Variants in DNAAF6 observed in about 807,000 individuals in gnomAD.
DNAAF6 encodes the protein PIH1 domain containing 3.
DNAAF6 carries 3 observed loss-of-function variants against 13.7 expected under a neutral mutation model. The ratio of observed to expected loss-of-function variants is 0.22; its 90% CI spans 0.10 to 0.56. The LOEUF (loss-of-function observed/expected upper bound fraction) is 0.56. Among genes scored for constraint, DNAAF6 ranks in the 20% least tolerant of loss-of-function variants. The pLI, the probability that DNAAF6 is intolerant of heterozygous loss-of-function variation, is 0.92. For synonymous variants in DNAAF6, 54 were observed against 49.2 expected (o/e 1.10, Z -0.41); for missense variants, 130 against 151.0 (o/e 0.86, Z 0.73).
intron 5 of DNAAF6, among the ~76,000 whole-genome samples, chrX:107,228,560 AG>A (rs1361645985): frequency 9.1e-6 from 1 of 109,998 alleles, no homozygotes; most frequent in Admixed American, 9.7e-5. Context: ...AAAAAAAAAA[AG>A]TAGTCATGGT....
intron 6 of DNAAF6, 93 bp downstream of exon 6, chrX:107,239,100 C>A: frequency 1.1e-5 from 11 of 1,038,070 alleles, no homozygotes; most frequent in Non-Finnish European, 1.4e-5. Context: ...TTTTGTATCA[C>A]CCCTAAAGTC....
chrX:107,243,312 AG>A lies in DNAAF6; in HGVS notation c.*15del. 2.5e-6 allele frequency: 3 copies of A among 1,190,228 alleles called. No homozygotes were observed. On this transcript the variant is annotated 3_prime_UTR_variant, in exon 7 of 7. Coordinates refer to ENST00000372453, the MANE Select transcript of DNAAF6 (RefSeq NM_173494.2). ...AATTTCTTCTGAAACTGCATGAAAA[AG>A]ATAAAAAGTAGTAAAATGGCATTGG...
intron 6 of DNAAF6, among the ~76,000 whole-genome samples, chrX:107,241,171 A>T (rs909868689): frequency 8.9e-6 from 1 of 112,149 alleles, no homozygotes; most frequent in East Asian, 2.8e-4. Flanking sequence ...GGGAACCAGG[A>T]TGTCCTTTGC....
chrX:107,211,853 C>A (rs1927864526), intron 1 of DNAAF6, among the ~76,000 whole-genome samples: 1 of 111,104 alleles, frequency 9.0e-6, no homozygotes, highest in South Asian at 3.9e-4. Flanking sequence ...CATAATGATA[C>A]CATAATGATA....
At chrX:107,218,834 G>C in intron 3 of DNAAF6, 30 bp from the exon 4 acceptor site, 1 of 1,165,432 alleles carries the variant, frequency 8.6e-7, no homozygotes, top group Non-Finnish European at 1.1e-6. Context: ...AAAAGCATGA[G>C]CTTCAGCTTT....
At chrX:107,221,870 A>G (rs759205854) in intron 4 of DNAAF6, among the ~76,000 whole-genome samples, 11 of 107,581 alleles carry the variant, frequency 1.0e-4, no homozygotes, top group Non-Finnish European at 9.6e-5. Context: ...TAGTCTTACT[A>G]TCCAGAGATC....
rs1046130455 is a variant in DNAAF6, at chrX:107,236,603, AT to A, written c.430-2315del. Among the ~76,000 whole-genome samples the A allele has an allele frequency of 5.4e-5, 6 of 111,793 alleles. No homozygotes were observed. The Admixed American group carries it at 5.7e-4, about 11-fold the overall frequency. On this transcript the variant is annotated intron_variant, in intron 5 of 6. Coordinates refer to ENST00000372453, the MANE Select transcript of DNAAF6 (RefSeq NM_173494.2). The stretch of plus-strand genomic sequence containing the variant: ...TTCTCTGAAACCACTGTAGTATATA[AT>A]TTTAATTTCCTTAAGAAGAAAAATT...
At chrX:107,206,920 G>C (rs1224029493) in intron 1 of DNAAF6, among the ~76,000 whole-genome samples, 1 of 111,680 alleles carries the variant, frequency 9.0e-6, no homozygotes, top group East Asian at 2.8e-4. Context: ...ACAAAACTCG[G>C]TTTTACAGGA....
At chrX:107,216,084 CTAT>C (rs1395772585) in intron 2 of DNAAF6, among the ~76,000 whole-genome samples, 3 of 111,387 alleles carry the variant, frequency 2.7e-5, no homozygotes, top group African/African-American at 9.8e-5. Context: ...GTATTAGAGA[CTAT>C]TAATTTGTGG....
chrX:107,220,793 G>C (rs1928105730), intron 4 of DNAAF6, among the ~76,000 whole-genome samples: 2 of 111,600 alleles, frequency 1.8e-5, no homozygotes, highest in South Asian at 7.6e-4. Context: ...CAAAGATGAT[G>C]CTGAAGTTAT....
intron 5 of DNAAF6, among the ~76,000 whole-genome samples, chrX:107,235,976 AAAAAT>A (rs1243627184): frequency 4.5e-5 from 5 of 109,939 alleles, no homozygotes; most frequent in African/African-American, 1.7e-4. Flanking sequence ...AAATAAAAAT[AAAAAT>A]AAATTAGCCA....
chrX:107,212,883 C>G lies in DNAAF6; in HGVS notation c.8C>G (p.Ser3Cys). The G allele has an allele frequency of 8.5e-7, 1 of 1,183,032 alleles. No homozygotes were observed. Among genetic ancestry groups the G allele is most frequent in the Non-Finnish European group, 1.1e-6 (1 of 882,793 alleles). Residue 3 changes from serine (S) to cysteine (C), a missense_variant, in exon 2 of 7, where the codon TCT becomes TGT. By Grantham distance (112) the Ser-to-Cys change is moderately radical. Coordinates refer to ENST00000372453, the MANE Select transcript of DNAAF6 (RefSeq NM_173494.2). MESENMDSENMKT... is the reference protein window; with the variant it reads MECENMDSENMKT... ...TATCTTTTTCTTCAGATAATGGAAT[C>G]TGAAAATATGGATTCTGAAAATATG...
intron 4 of DNAAF6, 106 bp from the exon 5 acceptor site, chrX:107,222,639 C>T: frequency 1.0e-6 from 1 of 992,473 alleles, no homozygotes; most frequent in African/African-American, 1.9e-5. Flanking sequence ...TTGTTTAGTC[C>T]TTTTATTTTA....
chrX:107,233,352 G>C (rs1168095124), intron 5 of DNAAF6, among the ~76,000 whole-genome samples: 1 of 111,084 alleles, frequency 9.0e-6, no homozygotes, highest in Non-Finnish European at 1.9e-5. Flanking sequence ...TGGGGGATAA[G>C]ACCACCTAAA....
At chrX:107,218,157 A>AATGT (rs1928035386) in intron 3 of DNAAF6, among the ~76,000 whole-genome samples, 1 of 112,150 alleles carries the variant, frequency 8.9e-6, no homozygotes, top group Non-Finnish European at 1.9e-5. Flanking sequence ...GGATGCTACA[A>AATGT]TAGTTAAAAC....
chrX:107,221,915 T>C (rs867994207), intron 4 of DNAAF6, among the ~76,000 whole-genome samples: 1 of 96,085 alleles, frequency 1.0e-5, no homozygotes, highest in Non-Finnish European at 2.0e-5. Flanking sequence ...TTAAGCATAA[T>C]AATAATAATA....
intron 6 of DNAAF6, among the ~76,000 whole-genome samples, chrX:107,242,007 C>T (rs905641328): frequency 8.9e-6 from 1 of 111,988 alleles, no homozygotes; most frequent in African/African-American, 3.2e-5. Context: ...TCTAGCACAA[C>T]CTATATAGTA....
At chrX:107,231,868 T>C (rs1225106820) in intron 5 of DNAAF6, among the ~76,000 whole-genome samples, 1 of 111,685 alleles carries the variant, frequency 9.0e-6, no homozygotes, top group Non-Finnish European at 1.9e-5. Context: ...TTTTTCTTTT[T>C]GTTTTTTGAG....
chrX:107,236,590 A>G (rs1333199132), intron 5 of DNAAF6, among the ~76,000 whole-genome samples: 2 of 111,695 alleles, frequency 1.8e-5, no homozygotes, highest in East Asian at 5.6e-4. Flanking sequence ...CTCTGAAACC[A>G]CTGTAGTATA....
Sources: allele counts gnomAD v4.1 joint callset (sites outside exome capture counted in the v4.1 genomes callset), GRCh38; gene constraint gnomAD v4.1.1; transcripts MANE v1.5; gene names NCBI Gene and HGNC (gene_info 2026-07-23, HGNC 2026-07-21).